LAMB1: variants seen among roughly 807,000 people sequenced by gnomAD.
LAMB1 encodes laminin subunit beta-1.
Under a neutral mutation model 222.3 loss-of-function variants are expected in LAMB1, and 121 were observed. That is an observed-to-expected ratio of 0.54 (90% CI 0.47 to 0.63). The LOEUF is 0.63. LAMB1 is among the 30% of genes least tolerant of loss of function. The pLI is 0.00. For missense variants in LAMB1, 2,172 were observed against 2,240.8 expected, an observed-to-expected ratio of 0.97 and a Z score of 0.62; for synonymous variants, 794 against 807.2, an observed-to-expected ratio of 0.98 and a Z score of 0.28.
intron 24 of LAMB1, among the ~76,000 whole-genome samples, chr7:107,945,320 T>C (rs749363296): frequency 2.8e-4 from 43 of 152,230 alleles, no homozygotes; most frequent in Non-Finnish European, 5.1e-4. Flanking sequence ...ATAGTCTATG[T>C]ACCCATTTAT....
Position 107,973,042 on chromosome 7 carries a change from C to G in LAMB1, c.1512G>C (p.Leu504Phe). 1 of 1,613,970 alleles carries G rather than the reference C, an allele frequency of 6.2e-7. No homozygotes were observed. Among genetic ancestry groups the G allele is most frequent in the Non-Finnish European group, 8.5e-7 (1 of 1,179,872 alleles). ...CACAGTCACATGGTCGACATCCATC[C>G]AAATCATTGCTTAAGCCCCAGTGCT... ...LPEHWGLSNDLDGCRPCDCDL... is the reference protein window; with the variant it reads ...LPEHWGLSNDFDGCRPCDCDL... The change falls in exon 13 of 34, where the codon TTG (leucine) becomes TTC (phenylalanine). Residue 504 changes from leucine to phenylalanine, a missense_variant. Transcript: ENST00000222399.
rs1322997280 is a variant in LAMB1 at position 107,932,362 on chromosome 7, G to T, written c.4204C>A (p.Pro1402Thr). ...AAAEMTCGTP[P>T]GASCSETECG... is the part of the protein sequence containing the mutation. ...TCAGTCTCGGAACAGGAGGCCCCTG[G>T]GGGTGTTCCACAGGTCTGCAACAAG... Residue 1402 changes from proline (P) to threonine (T), a missense_variant, in exon 28 of 34, where the codon CCA becomes ACA. Physicochemically the swap from Pro to Thr is conservative, Grantham distance 38. Transcript: ENST00000222399. 3.1e-6 allele frequency: 5 copies of T among 1,614,066 alleles called. No homozygotes were observed. The African/African-American group carries it at 6.7e-5, about 22-fold the overall frequency.
At chr7:107,941,732 G>A (rs189579770) in intron 24 of LAMB1, among the ~76,000 whole-genome samples, 110 of 147,290 alleles carry the variant, frequency 7.5e-4, no homozygotes, top group Admixed American at 1.4e-3. Context: ...TCGGCTCACT[G>A]CAACCTCTGC....
rs73422844 is a variant in LAMB1 at position 107,998,729 on chromosome 7, G to C, written c.214-237C>G. Among the ~76,000 whole-genome samples the C allele has an allele frequency of 0.016, 2,362 of 152,232 alleles. 59 individuals carry two copies. Among genetic ancestry groups the C allele is most frequent in the African/African-American group, 0.054 (2,227 of 41,530 alleles). On this transcript the variant is annotated intron_variant, in intron 3 of 33. Coordinates refer to ENST00000222399, the MANE Select transcript of LAMB1 (RefSeq NM_002291.3). ...TGCAAATTCAAGATCTAAAGTAAAA[G>C]AGGGCATTGTTTCCACAAGCTATTA...
intron 31 of LAMB1, among the ~76,000 whole-genome samples, chr7:107,928,154 G>A (rs2528648): frequency 0.76 from 115,357 of 152,222 alleles, 44,559 homozygotes; most frequent in African/African-American, 0.92. Flanking sequence ...TTTAGAGCAA[G>A]GTGCTAGATC....
rs1175167758 is a variant in LAMB1 at position 108,001,582 on chromosome 7, G to A, written c.189C>T (p.Pro63=). The A allele has an allele frequency of 2.5e-6, 4 of 1,611,010 alleles. No individual in the cohort carries two copies. The African/African-American group carries it at 4.0e-5, about 16-fold the overall frequency. The change falls in exon 3 of 34, where the codon CCC becomes CCT. Residue 63 remains proline, a synonymous_variant. Coordinates refer to ENST00000222399, the MANE Select transcript of LAMB1 (RefSeq NM_002291.3). ...TSTCGLHKPE[P]YCIVSHLQED... The stretch of plus-strand genomic sequence containing the variant: ...CCTGCAAGTGGCTGACGATACAGTA[G>A]GGTTCGGGCTTGTGCAGCCCGCACG...
At chr7:107,974,753 T>C (rs140171084) in intron 12 of LAMB1, among the ~76,000 whole-genome samples, 120 of 152,358 alleles carry the variant, frequency 7.9e-4, no homozygotes, top group African/African-American at 2.8e-3. Context: ...CTTGTGTTAA[T>C]TGTGTCTATA....
intron 24 of LAMB1, among the ~76,000 whole-genome samples, chr7:107,940,949 A>C (rs189183367): frequency 6.6e-6 from 1 of 152,370 alleles, no homozygotes; most frequent in East Asian, 1.9e-4. Flanking sequence ...GATGAAATGC[A>C]ATAAACATGA....
chr7:107,958,773 A>C (rs972299684), intron 20 of LAMB1, among the ~76,000 whole-genome samples: 3 of 152,216 alleles, frequency 2.0e-5, no homozygotes, highest in Non-Finnish European at 4.4e-5. Context: ...GACATTTGCT[A>C]ACTGGAGAAC....
At chr7:107,967,406 T>A (rs927355384) in intron 13 of LAMB1, among the ~76,000 whole-genome samples, 1 of 152,226 alleles carries the variant, frequency 6.6e-6, no homozygotes, top group African/African-American at 2.4e-5. Flanking sequence ...TAGTCCATCC[T>A]GTCTACCACG....
chr7:107,975,398 G>A lies in LAMB1; in HGVS notation c.1205C>T (p.Pro402Leu), dbSNP rs1008629284. 1 of 1,612,720 alleles carries A rather than the reference G, an allele frequency of 6.2e-7. No homozygotes were observed. The highest frequency in any genetic ancestry group is 2.2e-5 in the East Asian group (1 of 44,870). The change falls in exon 11 of 34, where the codon CCA (proline) becomes CTA (leucine). Residue 402 changes from proline (P) to leucine (L), a missense_variant. Coordinates refer to ENST00000222399, the MANE Select transcript of LAMB1 (RefSeq NM_002291.3). The part of the protein sequence containing the change: ...PNFCERCTCD[P>L]AGSQNEGICD... ...AATTCCCTCATTTTGAGAGCCAGCT[G>A]GGTCACACGTACATCCTGAGAAGAA... is the stretch of plus-strand genomic sequence containing the variant.
chr7:107,940,420 G>T, intron 24 of LAMB1, 62 bp from the exon 25 acceptor site: 2 of 1,528,260 alleles, frequency 1.3e-6, no homozygotes, highest in South Asian at 1.2e-5. Flanking sequence ...GACAAGATGT[G>T]GCATTTAGAA....
At chr7:107,957,833 A>G (rs576427600) in intron 20 of LAMB1, among the ~76,000 whole-genome samples, 9 of 152,344 alleles carry the variant, frequency 5.9e-5, no homozygotes, top group African/African-American at 2.2e-4. Flanking sequence ...CAAACTAGAT[A>G]GTAGAATTCC....
At chr7:107,978,232 A>G in intron 8 of LAMB1, 65 bp from the exon 9 acceptor site, 1 of 1,554,230 alleles carries the variant, frequency 6.4e-7, no homozygotes, top group Non-Finnish European at 8.8e-7. Flanking sequence ...GTTTCTCCAT[A>G]ATCAATTGAA....
In LAMB1 at chr7:107,935,343, C is replaced by CTTTTTTTT. The variant is rs2032816386; in HGVS notation, c.4188+71_4188+72insAAAAAAAA. On this transcript the variant is annotated intron_variant, in intron 27 of 33. Coordinates refer to ENST00000222399, the MANE Select transcript of LAMB1 (RefSeq NM_002291.3). ...TAATGACAAAAGATGGTTTGTTTTT[C>CTTTTTTTT]TTTGTTTTTTTTTTTTTTTTTTTTT... The CTTTTTTTT allele has an allele frequency of 5.1e-6, 7 of 1,371,968 alleles. No individual in the cohort carries two copies. In the African/African-American group the frequency reaches 1.2e-4, roughly 23 times the overall value. The allele number at this position is 1,371,968 out of a possible 1,614,324, so 85.0% of individuals were successfully genotyped here.
intron 17 of LAMB1, 124 bp from the exon 18 acceptor site, chr7:107,960,773 T>A: frequency 1.4e-6 from 1 of 732,486 alleles, no homozygotes; most frequent in South Asian, 1.8e-5. Flanking sequence ...ATTAGACTCA[T>A]TAAATAAAGT....
chr7:107,999,763 CTTTTTTTTTTT>C (rs11306976), intron 3 of LAMB1: 1 of 121,424 alleles, frequency 8.2e-6, no homozygotes, highest in Non-Finnish European at 1.7e-5. Flanking sequence ...GCTCCAGTTG[CTTTTTTTTTTT>C]TTTTTTTTTA....
chr7:107,973,403 A>G (rs1333823280), intron 12 of LAMB1, among the ~76,000 whole-genome samples: 1 of 152,182 alleles, frequency 6.6e-6, no homozygotes, highest in Non-Finnish European at 1.5e-5. Context: ...TAAGAGAATT[A>G]TGGCAAGGAT....
intron 7 of LAMB1, among the ~76,000 whole-genome samples, chr7:107,982,859 C>A (rs532248535): frequency 6.6e-6 from 1 of 152,220 alleles, no homozygotes; most frequent in Admixed American, 6.5e-5. Context: ...AGCTAACATG[C>A]ATGCTTCCGT....
Sources: allele counts gnomAD v4.1 joint callset (sites outside exome capture counted in the v4.1 genomes callset), GRCh38; gene constraint gnomAD v4.1.1; transcripts MANE v1.5; gene names NCBI Gene and HGNC (gene_info 2026-07-23, HGNC 2026-07-21).